The following RNF17 variants were observed in gnomAD, a reference collection of about 807,000 sequenced individuals.
RNF17 encodes the protein ring finger protein 17, also known as spermatogenesis associated 23.
In RNF17, 31 loss-of-function variants were observed where a neutral mutation model predicts 200.5. The observed-to-expected ratio is 0.15, with a 90% CI of 0.12 to 0.21. The LOEUF is 0.21. Ranked by LOEUF, RNF17 falls within the 10% of genes least tolerant of loss-of-function variation. The pLI is 1.00. For missense variants in RNF17, 1,628 were observed against 1,905.1 expected, an observed-to-expected ratio of 0.85 and a Z score of 2.71; for synonymous variants, 606 against 637.8, an observed-to-expected ratio of 0.95 and a Z score of 0.75.
the RNF17 span, chr13:24,886,151 T>C: frequency 2.2e-6 from 1 of 459,892 alleles, no homozygotes; most frequent in Non-Finnish European, 4.1e-6. Flanking sequence ...AACAACAAAG[T>C]GAGGTGAATC....
At chr13:24,835,655 C>T (rs1238794446) in intron 18 of RNF17, among the ~76,000 whole-genome samples, 1 of 152,050 alleles carries the variant, frequency 6.6e-6, no homozygotes, top group Non-Finnish European at 1.5e-5. Context: ...CCCCATGAGA[C>T]AAAAAAATCT....
chr13:24,768,818 TTC>T (rs1880188433), intron 2 of RNF17, among the ~76,000 whole-genome samples: 1 of 152,058 alleles, frequency 6.6e-6, no homozygotes, highest in Admixed American at 6.6e-5. Flanking sequence ...CTCCGTAAGC[TTC>T]CAGACTACTA....
At chr13:24,882,483 T>TC (rs1243088279), downstream of RNF17, 1 of 131,262 alleles carries the variant, frequency 7.6e-6, no homozygotes, top group Non-Finnish European at 1.7e-5. Context: ...GCTACAGTAA[T>TC]CTCACTGTGG....
rs183777498 is a variant in RNF17 at position 24,793,064 on chromosome 13, A to G, written c.958A>G (p.Ile320Val). Residue 320 changes from isoleucine to valine, a missense_variant, in exon 10 of 36, where the codon ATT (isoleucine) becomes GTT (valine). Physicochemically the swap from Ile to Val is conservative, Grantham distance 29. This residue lies in a region of RNF17 where 502 missense variants were observed against 501.7 expected (regional missense o/e 1.00). Transcript: ENST00000255324. ...CAGATGTTATCCCCAAGAAAATGAA[A>G]TTAGACAGAATGTTCAAAAGAAATA... Reference protein sequence around the residue: ...STKCYPQENEIRQNVQKKYNN... With the variant: ...STKCYPQENEVRQNVQKKYNN... 3.2e-6 allele frequency: 5 copies of G among 1,582,164 alleles called. No individual in the cohort carries two copies. In the East Asian group the frequency reaches 1.1e-4, roughly 35 times the overall value.
intron 11 of RNF17, among the ~76,000 whole-genome samples, chr13:24,799,019 A>G (rs1884937813): frequency 6.6e-6 from 1 of 152,216 alleles, no homozygotes; most frequent in Non-Finnish European, 1.5e-5. Context: ...TGTACATCAC[A>G]AAGACAGATG....
intron 2 of RNF17, among the ~76,000 whole-genome samples, chr13:24,768,599 G>C (rs1158629212): frequency 2.6e-5 from 4 of 151,934 alleles, no homozygotes; most frequent in Non-Finnish European, 5.9e-5. Context: ...GTAAATTCTT[G>C]ATGTTTTACT....
At chr13:24,818,405 A>G (rs1887651568) in intron 15 of RNF17, among the ~76,000 whole-genome samples, 1 of 152,118 alleles carries the variant, frequency 6.6e-6, no homozygotes, top group Non-Finnish European at 1.5e-5. Context: ...CTGTTGGTTT[A>G]CAGTGTTATT....
chr13:24,749,697 G>A, the RNF17 span, among the ~76,000 whole-genome samples: 1 of 152,114 alleles, frequency 6.6e-6, no homozygotes, highest in South Asian at 2.1e-4. Context: ...ACAAAAGGAT[G>A]AGAAGAAATG....
chr13:24,818,777 G>T (rs1296056041), intron 15 of RNF17, among the ~76,000 whole-genome samples: 2 of 151,986 alleles, frequency 1.3e-5, no homozygotes, highest in East Asian at 3.9e-4. Context: ...ATAGCATAAG[G>T]TATAAAGTGT....
chr13:24,883,088 A>T, downstream of RNF17: 1 of 1,182,416 alleles, frequency 8.5e-7, no homozygotes, highest in Non-Finnish European at 1.3e-6. Context: ...CCCCACACAT[A>T]CACAATAAAT....
intron 33 of RNF17, among the ~76,000 whole-genome samples, chr13:24,876,606 A>G (rs1894881800): frequency 6.6e-6 from 1 of 151,994 alleles, no homozygotes; most frequent in African/African-American, 2.4e-5. Context: ...TTGTGTTATA[A>G]TAGCCATTCT....
Position 24,841,323 on chromosome 13 carries a change from A to G in RNF17, c.2483-718A>G, listed in dbSNP as rs547359257. On this transcript the variant is annotated intron_variant, in intron 18 of 35. Transcript: ENST00000255324. ...TTGTTTTAAACTTTGTGCCATTTTT[A>G]TAAAAGCTTAAACCTTTGCAGATGA... Among the ~76,000 whole-genome samples, 7 of 152,354 alleles carry G rather than the reference A, an allele frequency of 4.6e-5. No individual in the cohort carries two copies. In the South Asian group the frequency reaches 1.5e-3, roughly 32 times the overall value.
intron 32 of RNF17, among the ~76,000 whole-genome samples, chr13:24,873,230 G>A (rs1186520859): frequency 6.6e-6 from 1 of 152,096 alleles, no homozygotes; most frequent in Non-Finnish European, 1.5e-5. Context: ...GAGCTAATAA[G>A]TCTTAGGAAT....
At chr13:24,865,414 G>A (rs568499517) in intron 29 of RNF17, among the ~76,000 whole-genome samples, 15 of 152,132 alleles carry the variant, frequency 9.9e-5, no homozygotes, top group Non-Finnish European at 2.1e-4. Flanking sequence ...AGGAAACCCA[G>A]AGTCACATTT....
intron 22 of RNF17, among the ~76,000 whole-genome samples, chr13:24,846,665 A>G (rs1891287927): frequency 6.6e-6 from 1 of 152,188 alleles, no homozygotes; most frequent in Non-Finnish European, 1.5e-5. Context: ...TGGGCCACAC[A>G]TAAAATACAC....
chr13:24,844,336 GA>G (rs932033376), intron 20 of RNF17, among the ~76,000 whole-genome samples: 1 of 152,114 alleles, frequency 6.6e-6, no homozygotes, highest in African/African-American at 2.4e-5. Context: ...AAGGGAAATA[GA>G]AAAAACTAAA....
chr13:24,843,434 C>T (rs1309071704), intron 19 of RNF17, among the ~76,000 whole-genome samples: 1 of 152,100 alleles, frequency 6.6e-6, no homozygotes, highest in Non-Finnish European at 1.5e-5. Context: ...AGGAGAATTG[C>T]TTGAACCTGG....
In RNF17 at chr13:24,830,561, C is replaced by T. The variant is rs1000058935; in HGVS notation, c.2323C>T (p.Arg775Cys). ...NTAKITIKDV[R>C]KIKDEFLNAP... ...TGCAAAAATAACAATCAAAGACGTG[C>T]GTAAAATAAAGGATGAGTTTCTGAA... Residue 775 changes from arginine to cysteine, a missense_variant, in exon 17 of 36, where the codon CGT (arginine) becomes TGT (cysteine). Transcript: ENST00000255324. The T allele has an allele frequency of 1.2e-5, 19 of 1,609,010 alleles. No homozygotes were observed. The highest frequency in any genetic ancestry group is 6.7e-5 in the East Asian group (3 of 44,530).
rs1343353540 is a variant in RNF17, at chr13:24,831,987, C to A, written c.2482+9C>A. On this transcript the variant is annotated intron_variant, in intron 18 of 35. Coordinates refer to ENST00000255324, the MANE Select transcript of RNF17 (RefSeq NM_031277.3). ...GACATGTTCAGTTATCAGTAAGTTC[C>A]ATTTTTACTTGTTATGTAATCACAT... 4 of 1,522,832 alleles carry A rather than the reference C, an allele frequency of 2.6e-6. No individual in the cohort carries two copies. Among genetic ancestry groups the A allele is most frequent in the South Asian group, 2.4e-5 (2 of 81,972 alleles). 94.3% of individuals were successfully genotyped at this position (1,522,832 alleles called of 1,614,324 possible).
Sources: gnomAD v4.1 joint callset for allele counts (sites outside exome capture counted in the v4.1 genomes callset) on GRCh38, gnomAD v4.1.1 for gene constraint, gnomAD v4.1.1 regional missense constraint, MANE v1.5 for transcripts, NCBI Gene and HGNC (gene_info 2026-07-23, HGNC 2026-07-21) for gene names.